The following PRR14L variants were observed in gnomAD, a reference collection of about 807,000 sequenced individuals.
PRR14L encodes the protein protein PRR14L.
A neutral mutation model predicts 155.0 loss-of-function variants in PRR14L; 80 were observed. The observed-to-expected ratio is 0.52, with a 90% CI of 0.43 to 0.62. The LOEUF is 0.62. PRR14L is among the 20% of genes least tolerant of loss of function. PRR14L has a pLI of 0.00. For missense variants in PRR14L, 2,469 were observed against 2,548.0 expected, an observed-to-expected ratio of 0.97 and a Z score of 0.67; for synonymous variants, 883 against 916.0, an observed-to-expected ratio of 0.96 and a Z score of 0.65.
At chr22:31,707,506 G>A (rs983903936) in intron 4 of PRR14L, among the ~76,000 whole-genome samples, 10 of 152,054 alleles carry the variant, frequency 6.6e-5, no homozygotes, top group South Asian at 2.1e-4. Context: ...TCAGCCTCCC[G>A]AGTAGCTGGG....
At chr22:31,686,642 C>T (rs1021376375) in intron 8 of PRR14L, among the ~76,000 whole-genome samples, 1 of 151,984 alleles carries the variant, frequency 6.6e-6, no homozygotes, top group Non-Finnish European at 1.5e-5. Flanking sequence ...GTATATTGCT[C>T]AGGCTGGTCT....
chr22:31,704,616 C>T (rs543659857), intron 5 of PRR14L, 39 bp downstream of exon 5: 46 of 1,550,120 alleles, frequency 3.0e-5, no homozygotes, highest in Middle Eastern at 1.7e-4. Context: ...CACACACACA[C>T]GCACACGCGC....
intron 1 of PRR14L, among the ~76,000 whole-genome samples, chr22:31,742,331 T>C (rs930050277): frequency 2.0e-5 from 3 of 151,978 alleles, no homozygotes; most frequent in African/African-American, 7.3e-5. Context: ...CATCTTTTTC[T>C]GCAGCCTCTG....
chr22:31,740,102 C>T (rs1325035038), intron 1 of PRR14L, among the ~76,000 whole-genome samples: 1 of 152,082 alleles, frequency 6.6e-6, no homozygotes, highest in Non-Finnish European at 1.5e-5. Context: ...GCTCTGTCAC[C>T]CAGGCTAGAG....
In PRR14L at chr22:31,685,480, CA is replaced by C; in HGVS notation, c.*46del. 7.6e-7 allele frequency: 1 copy of C among 1,314,988 alleles called. No homozygotes were observed. Among genetic ancestry groups the C allele is most frequent in the South Asian group, 1.6e-5 (1 of 62,024 alleles). The allele number at this position is 1,314,988 out of a possible 1,614,324, so 81.5% of individuals were successfully genotyped here. On this transcript the variant is annotated 3_prime_UTR_variant, in exon 9 of 9. Coordinates refer to ENST00000327423, the MANE Select transcript of PRR14L (RefSeq NM_173566.3). ...AAAAAAAAAAAACCCAAAAACAAAA[CA>C]AAACAAAAAAACCCTAAAATTGAGA...
chr22:31,709,937 GT>G (rs928891572), intron 4 of PRR14L, among the ~76,000 whole-genome samples: 9 of 151,560 alleles, frequency 5.9e-5, no homozygotes, highest in Non-Finnish European at 1.2e-4. Flanking sequence ...CCAGCCTGTT[GT>G]TTTTTTAATT....
rs1391396450 is a variant in PRR14L at position 31,681,700 on chromosome 22, A to G, written c.*3827T>C. 6.6e-6 allele frequency: 1 copy of G among 152,178 alleles called. No individual in the cohort carries two copies. Among genetic ancestry groups the G allele is most frequent in the Non-Finnish European group, 1.5e-5 (1 of 68,036 alleles). 9.4% of individuals were successfully genotyped at this position (152,178 alleles called of 1,614,324 possible). A position where few individuals can be genotyped will look rare whatever the true frequency, so the allele number is the denominator to read the frequency against. On this transcript the variant is annotated 3_prime_UTR_variant, in exon 9 of 9. Transcript: ENST00000327423. ...CAACGGGGACCCCCTTTCATCATCA[A>G]AATAGCTTTTGCTGCTTGATTTGTG...
intron 3 of PRR14L, among the ~76,000 whole-genome samples, chr22:31,721,419 T>A (rs1201727522): frequency 6.6e-6 from 1 of 152,084 alleles, no homozygotes; most frequent in Non-Finnish European, 1.5e-5. Context: ...ATACAAAAAA[T>A]TAGCCGGGCA....
At position 31,712,665 on chromosome 22, in the gene PRR14L, G is replaced by A; in HGVS notation, c.5174C>T (p.Ser1725Leu). 1 of 1,551,762 alleles carries A rather than the reference G, an allele frequency of 6.4e-7. No individual in the cohort carries two copies. Among genetic ancestry groups the A allele is most frequent in the Middle Eastern group, 1.7e-4 (1 of 5,994 alleles). Residue 1725 changes from serine (S) to leucine (L), a missense_variant, in exon 4 of 9, where the codon TCA becomes TTA. Coordinates refer to ENST00000327423, the MANE Select transcript of PRR14L (RefSeq NM_173566.3). ...CTCAGTCGTGCAATCTGAGCTGGAT[G>A]ATTTCACATGAAAGGATACTGGGAA... is the stretch of plus-strand genomic sequence containing the variant. ...EIFPVSFHVK[S>L]SSSDCTTESS... is the part of the protein sequence containing the mutation.
chr22:31,709,618 G>GC (rs1259198806), intron 4 of PRR14L, among the ~76,000 whole-genome samples: 1 of 139,540 alleles, frequency 7.2e-6, no homozygotes, highest in Non-Finnish European at 1.5e-5. Context: ...TCGGGTCACT[G>GC]CAACCTCTGC....
At chr22:31,702,618 C>T (rs11913714) in intron 6 of PRR14L, among the ~76,000 whole-genome samples, 2,200 of 152,024 alleles carry the variant, frequency 0.014, 50 homozygotes, top group Middle Eastern at 0.045. Flanking sequence ...TGGGTTTAAG[C>T]GAATCTACTG....
At chr22:31,688,806 C>CT (rs1569497055) in intron 7 of PRR14L, among the ~76,000 whole-genome samples, 1 of 149,986 alleles carries the variant, frequency 6.7e-6, no homozygotes, top group Non-Finnish European at 1.5e-5. Flanking sequence ...TTGTTTTTTT[C>CT]TTTTTTAGAG....
intron 2 of PRR14L, among the ~76,000 whole-genome samples, chr22:31,727,245 T>C (rs962803653): frequency 5.9e-5 from 9 of 151,536 alleles, no homozygotes; most frequent in African/African-American, 9.7e-5. Context: ...TTTTTTTTTT[T>C]TTTTTGGAGA....
At chr22:31,694,480 T>A (rs1419585058) in intron 7 of PRR14L, among the ~76,000 whole-genome samples, 1 of 152,038 alleles carries the variant, frequency 6.6e-6, no homozygotes, top group East Asian at 1.9e-4. Flanking sequence ...AATTACGGTG[T>A]CTCATGCCTG....
intron 1 of PRR14L, among the ~76,000 whole-genome samples, chr22:31,741,312 A>C (rs1161018460): frequency 6.6e-6 from 1 of 151,258 alleles, no homozygotes. Flanking sequence ...AAATACCAAA[A>C]TTAGCCAGGC....
At chr22:31,701,279 C>T (rs2074561992) in intron 7 of PRR14L, among the ~76,000 whole-genome samples, 1 of 152,132 alleles carries the variant, frequency 6.6e-6, no homozygotes, top group Non-Finnish European at 1.5e-5. Context: ...TGAGCCACTG[C>T]ACCCGGCTTG....
rs1394585383 is a variant in PRR14L at position 31,685,163 on chromosome 22, G to A, written c.*364C>T. On this transcript the variant is annotated 3_prime_UTR_variant, in exon 9 of 9. Transcript: ENST00000327423. The stretch of plus-strand genomic sequence containing the variant: ...CGTAAACAAAGCGGAACTTTCATAT[G>A]GACGTGCAAATCCTGTGTGTCCTTG... 1 of 192,186 alleles carries A rather than the reference G, an allele frequency of 5.2e-6. No homozygotes were observed. Among genetic ancestry groups the A allele is most frequent in the Non-Finnish European group, 1.1e-5 (1 of 92,200 alleles). The allele number at this position is 192,186 out of a possible 1,614,324, so 11.9% of individuals were successfully genotyped here.
At chr22:31,736,547 C>T (rs755768031) in intron 2 of PRR14L, among the ~76,000 whole-genome samples, 1 of 152,096 alleles carries the variant, frequency 6.6e-6, no homozygotes, top group Non-Finnish European at 1.5e-5. Context: ...GTATCAAGAG[C>T]GGGATGGGAG....
intron 3 of PRR14L, among the ~76,000 whole-genome samples, chr22:31,720,569 C>T (rs1413189408): frequency 6.6e-6 from 1 of 152,044 alleles, no homozygotes; most frequent in Non-Finnish European, 1.5e-5. Context: ...CTTATCTCTA[C>T]TAAAAATACA....
Sources: gnomAD v4.1 joint callset for allele counts (sites outside exome capture counted in the v4.1 genomes callset) on GRCh38, gnomAD v4.1.1 for gene constraint, MANE v1.5 for transcripts, NCBI Gene and HGNC (gene_info 2026-07-23, HGNC 2026-07-21) for gene names.